Variants in PDGFD observed in about 807,000 individuals in gnomAD.
PDGFD encodes platelet derived growth factor D.
PDGFD carries 30 observed loss-of-function variants against 44.7 expected under a neutral mutation model. The ratio of observed to expected loss-of-function variants is 0.67; its 90% confidence interval spans 0.50 to 0.91. The LOEUF (loss-of-function observed/expected upper bound fraction) is 0.91, where lower values mean the gene tolerates loss of function less well. Among genes scored for constraint, PDGFD ranks in the 40% least tolerant of loss-of-function variants. The probability of loss-of-function intolerance (pLI) is 0.00; values close to 1 mark genes in which losing one functional copy is unlikely to be tolerated. For missense variants in PDGFD, 445 were observed against 457.8 expected (o/e 0.97, Z 0.25); for synonymous variants, 173 against 168.4 (o/e 1.03, Z -0.21).
At chr11:103,983,168 A>ACG (rs1859299795) in intron 3 of PDGFD, among the ~76,000 whole-genome samples, 1 of 151,860 alleles carries the variant, frequency 6.6e-6, no homozygotes, top group East Asian at 1.9e-4. Flanking sequence ...ACTTCAAACT[A>ACG]TACTTACAGG....
chr11:103,947,598 T>C, intron 4 of PDGFD, 64 bp downstream of exon 4: 3 of 1,295,794 alleles, frequency 2.3e-6, no homozygotes, highest in Non-Finnish European at 3.4e-6. Context: ...TGAAGTCCTT[T>C]TGGGGTTGAC....
chr11:104,073,053 T>C (rs1268296256), intron 1 of PDGFD, among the ~76,000 whole-genome samples: 3 of 152,078 alleles, frequency 2.0e-5, no homozygotes, highest in African/African-American at 7.2e-5. Context: ...TTTACAAACA[T>C]TTGTACATTC....
At chr11:104,156,330 G>C (rs1295473680) in intron 1 of PDGFD, among the ~76,000 whole-genome samples, 6 of 151,816 alleles carry the variant, frequency 4.0e-5, no homozygotes, top group Non-Finnish European at 8.8e-5. Flanking sequence ...ACTCCAGCTT[G>C]GGAGCTACAG....
intron 1 of PDGFD, among the ~76,000 whole-genome samples, chr11:104,128,141 G>C (rs1367913742): frequency 8.8e-6 from 1 of 113,214 alleles, no homozygotes; most frequent in African/African-American, 3.5e-5. Flanking sequence ...TACTACATCT[G>C]ATTAAGTGTT....
At chr11:103,942,577 G>A (rs1405680451) in intron 5 of PDGFD, among the ~76,000 whole-genome samples, 5 of 151,996 alleles carry the variant, frequency 3.3e-5, no homozygotes, top group Non-Finnish European at 7.4e-5. Context: ...AACTATTCCA[G>A]ACCTTCTTTT....
intron 2 of PDGFD, 41 bp downstream of exon 2, chr11:104,000,010 C>T: frequency 1.3e-6 from 2 of 1,512,476 alleles, no homozygotes; most frequent in South Asian, 1.2e-5. Context: ...TTTCTTTTTT[C>T]ACCTTGAAAT....
At chr11:104,012,599 T>C (rs551535274) in intron 1 of PDGFD, among the ~76,000 whole-genome samples, 2 of 152,342 alleles carry the variant, frequency 1.3e-5, no homozygotes, top group Non-Finnish European at 2.9e-5. Context: ...TATCTTTGTG[T>C]AGACTACTGT....
At chr11:104,006,037 T>C (rs1389661325) in intron 1 of PDGFD, among the ~76,000 whole-genome samples, 1 of 152,210 alleles carries the variant, frequency 6.6e-6, no homozygotes, top group Non-Finnish European at 1.5e-5. Flanking sequence ...TCTATTTTAT[T>C]CCCAATTGTT....
chr11:104,094,798 C>T (rs1043441273), intron 1 of PDGFD, among the ~76,000 whole-genome samples: 3 of 152,144 alleles, frequency 2.0e-5, no homozygotes, highest in Non-Finnish European at 4.4e-5. Flanking sequence ...TCCTCCAACC[C>T]ACATTGCCAA....
intron 5 of PDGFD, among the ~76,000 whole-genome samples, chr11:103,933,070 C>T (rs1031244472): frequency 6.6e-6 from 1 of 152,174 alleles, no homozygotes; most frequent in African/African-American, 2.4e-5. Flanking sequence ...CAGATGCAAA[C>T]ATCAAGGTGC....
chr11:104,003,053 G>C (rs996164334), intron 1 of PDGFD, among the ~76,000 whole-genome samples: 2 of 152,116 alleles, frequency 1.3e-5, no homozygotes, highest in Non-Finnish European at 2.9e-5. Flanking sequence ...TGTTAGATCT[G>C]GATAGAATTT....
chr11:103,954,237 C>T (rs1193648099), intron 3 of PDGFD, among the ~76,000 whole-genome samples: 1 of 152,222 alleles, frequency 6.6e-6, no homozygotes, highest in Non-Finnish European at 1.5e-5. Context: ...AAACAATCCA[C>T]TCATTCATTC....
In PDGFD at chr11:104,000,229, G is replaced by A. The variant is rs767074927; in HGVS notation, c.151C>T (p.Arg51Ter). The change falls in exon 2 of 7, where the codon CGA becomes TGA. Residue 51 changes from arginine (R) to a stop codon, truncating the protein, a stop_gained. Coordinates refer to ENST00000393158, the MANE Select transcript of PDGFD (RefSeq NM_025208.5). LOFTEE classifies it high-confidence loss of function. ...TTCACCTGGATGGTCTCATCTCTTCGGTACAAGTCTGTGAGGTGATTGCTC... is the reference window on the plus strand; with the variant it reads ...TTCACCTGGATGGTCTCATCTCTTCAGTACAAGTCTGTGAGGTGATTGCTC... ...DESNHLTDLY[R>*]RDETIQVKGN... The A allele has an allele frequency of 2.5e-6, 4 of 1,613,758 alleles. No individual in the cohort carries two copies. Among genetic ancestry groups the A allele is most frequent in the Non-Finnish European group, 3.4e-6 (4 of 1,179,940 alleles).
chr11:103,918,135 C>T (rs1858156267), intron 6 of PDGFD, among the ~76,000 whole-genome samples: 3 of 152,166 alleles, frequency 2.0e-5, no homozygotes, highest in African/African-American at 4.8e-5. Context: ...AAGGAATACC[C>T]TAAGAAAGTT....
intron 5 of PDGFD, among the ~76,000 whole-genome samples, chr11:103,929,835 T>C (rs954291770): frequency 6.6e-6 from 1 of 152,158 alleles, no homozygotes; most frequent in Admixed American, 6.5e-5. Context: ...AGACAGAGGC[T>C]GAGCAGCAAT....
intron 1 of PDGFD, among the ~76,000 whole-genome samples, chr11:104,109,212 G>T (rs1409611394): frequency 6.6e-6 from 1 of 150,964 alleles, no homozygotes; most frequent in Non-Finnish European, 1.5e-5. Context: ...AAAAAAAAAA[G>T]AATGCATAAC....
Position 103,907,367 on chromosome 11 carries a change from G to A in PDGFD, c.*2327C>T, listed in dbSNP as rs1396076203. On this transcript the variant is annotated 3_prime_UTR_variant, in exon 7 of 7. Coordinates refer to ENST00000393158, the MANE Select transcript of PDGFD (RefSeq NM_025208.5). ...TATTCAATAAAAGGCATTATTCCAG[G>A]TGAATGAGCCATGCGGAAATGTGGA... is the stretch of plus-strand genomic sequence containing the variant. 6.6e-6 allele frequency: 1 copy of A among 152,134 alleles called. No homozygotes were observed. The highest frequency in any genetic ancestry group is 1.5e-5 in the Non-Finnish European group (1 of 68,032). The allele number at this position is 152,134 out of a possible 1,614,324, so 9.4% of individuals were successfully genotyped here.
At chr11:103,985,632 TCAGGG>T (rs1407639672) in intron 3 of PDGFD, among the ~76,000 whole-genome samples, 1 of 149,664 alleles carries the variant, frequency 6.7e-6, no homozygotes, top group African/African-American at 2.6e-5. Context: ...GACTAGGTTA[TCAGGG>T]AATAGTTCTG....
intron 1 of PDGFD, among the ~76,000 whole-genome samples, chr11:104,085,514 G>A (rs936831357): frequency 8.6e-5 from 13 of 151,962 alleles, no homozygotes; most frequent in South Asian, 2.1e-4. Context: ...ACTCCAAGTC[G>A]CTTCTGTTTA....
Sources: gnomAD v4.1 joint callset for allele counts (sites outside exome capture counted in the v4.1 genomes callset) on GRCh38, gnomAD v4.1.1 for gene constraint, MANE v1.5 for transcripts, NCBI Gene and HGNC (gene_info 2026-07-23, HGNC 2026-07-21) for gene names.